NCKAP5: variants seen among roughly 807,000 people sequenced by gnomAD.
The protein encoded by NCKAP5 is nck-associated protein 5.
Under a neutral mutation model 167.0 loss-of-function variants are expected in NCKAP5, and 92 were observed. The observed-to-expected ratio is 0.55, with a 90% CI of 0.47 to 0.66. The LOEUF (loss-of-function observed/expected upper bound fraction) is 0.66, where lower values mean the gene tolerates loss of function less well. NCKAP5 is among the 30% of genes least tolerant of loss of function. The probability of loss-of-function intolerance (pLI) is 0.00; values close to 1 mark genes in which losing one functional copy is unlikely to be tolerated. For synonymous variants in NCKAP5, 891 were observed against 877.4 expected, an observed-to-expected ratio of 1.02 and a Z score of -0.27; for missense variants, 2,378 against 2,315.0, an observed-to-expected ratio of 1.03 and a Z score of -0.56.
intron 11 of NCKAP5, among the ~76,000 whole-genome samples, chr2:132,811,912 G>A (rs191816997): frequency 1.3e-5 from 2 of 152,298 alleles, no homozygotes; most frequent in African/African-American, 4.8e-5. Flanking sequence ...GCAGGAAGGG[G>A]CTGCTAGGGG....
At chr2:133,338,119 C>A (rs1294969803) in intron 3 of NCKAP5, among the ~76,000 whole-genome samples, 1 of 150,646 alleles carries the variant, frequency 6.6e-6, no homozygotes, top group Non-Finnish European at 1.5e-5. Flanking sequence ...GGGTCTATTG[C>A]ATTTTTTTTT....
chr2:133,650,420 A>G, the NCKAP5 span, among the ~76,000 whole-genome samples: 1 of 152,254 alleles, frequency 6.6e-6, no homozygotes, highest in Non-Finnish European at 1.5e-5. Context: ...AATATTGAGA[A>G]AGAACTAAGC....
intron 8 of NCKAP5, chr2:132,930,820 G>T (rs1010001546): frequency 6.6e-6 from 1 of 152,178 alleles, no homozygotes; most frequent in Non-Finnish European, 1.5e-5. Flanking sequence ...TGATGCTGCG[G>T]ATACAAACAT....
rs538874219 is a variant in NCKAP5, at chr2:133,304,140, T to C, written c.70-1030A>G. On this transcript the variant is annotated intron_variant, in intron 3 of 19. Coordinates refer to ENST00000409261, the MANE Select transcript of NCKAP5 (RefSeq NM_207363.3). ...CAGTGACATTTTTCTTTCAGAAATA[T>C]AGGTTTCTTTTGAAATGCTATACAT... Among the ~76,000 whole-genome samples the C allele has an allele frequency of 5.3e-5, 8 of 152,282 alleles. No homozygotes were observed. In the East Asian group the frequency reaches 5.8e-4, roughly 11 times the overall value.
rs373055321 is a variant in NCKAP5, at chr2:132,785,245, C to T, written c.1566G>A (p.Leu522=). 321 of 1,570,192 alleles carry T rather than the reference C, an allele frequency of 2.0e-4. No homozygotes were observed. The highest frequency in any genetic ancestry group is 2.6e-4 in the Non-Finnish European group (298 of 1,159,128). The change falls in exon 14 of 20, where the codon CTG becomes CTA. Residue 522 remains leucine (L), a synonymous_variant. Transcript: ENST00000409261. ...TGGGATAAACTGAGGATGTGCCTTC[C>T]AGAAAGTGTTTTCTGTTTGTCTCCC... The part of the protein sequence containing the change: ...FGWETNRKHF[L]EGTSSVYPKE...
intron 3 of NCKAP5, among the ~76,000 whole-genome samples, chr2:133,502,704 C>A (rs1333615674): frequency 6.6e-6 from 1 of 152,198 alleles, no homozygotes; most frequent in Non-Finnish European, 1.5e-5. Flanking sequence ...GGGCACACAC[C>A]ACAGCTATGA....
At position 132,783,092 on chromosome 2, in the gene NCKAP5, C is replaced by T. The variant is rs1166884977; in HGVS notation, c.3719G>A (p.Ser1240Asn). Residue 1240 changes from serine to asparagine, a missense_variant, in exon 14 of 20, where the codon AGT (serine) becomes AAT (asparagine). This residue lies in a region of NCKAP5 where 1,325 missense variants were observed against 1,274.5 expected (regional missense o/e 1.04). Coordinates refer to ENST00000409261, the MANE Select transcript of NCKAP5 (RefSeq NM_207363.3). ...ATTATCTACCCCATCCCTTCCATCA[C>T]TCCCAGGGATGCTACTTTCCAATGG... is the stretch of plus-strand genomic sequence containing the variant. ...QEPLESSIPGSDGRDGVDNRS... is the reference protein window; with the variant it reads ...QEPLESSIPGNDGRDGVDNRS... 5.0e-6 allele frequency: 8 copies of T among 1,613,720 alleles called. No individual in the cohort carries two copies. The East Asian group carries it at 1.3e-4, about 27-fold the overall frequency.
At chr2:133,355,937 T>G (rs1684683801) in intron 3 of NCKAP5, among the ~76,000 whole-genome samples, 1 of 88,952 alleles carries the variant, frequency 1.1e-5, no homozygotes, top group Admixed American at 1.1e-4. Flanking sequence ...TTGTTTTCTG[T>G]TTTTTTTTGA....
chr2:132,856,677 AG>A (rs1287483496), intron 11 of NCKAP5, among the ~76,000 whole-genome samples: 16 of 152,348 alleles, frequency 1.1e-4, no homozygotes, highest in Admixed American at 2.0e-4. Context: ...CAGAACACAT[AG>A]GAAGGGGAAA....
chr2:133,459,441 C>T (rs1692067602), intron 3 of NCKAP5, among the ~76,000 whole-genome samples: 1 of 152,092 alleles, frequency 6.6e-6, no homozygotes, highest in Non-Finnish European at 1.5e-5. Context: ...CCTCTGGGGC[C>T]TATCAGAGGA....
intron 3 of NCKAP5, among the ~76,000 whole-genome samples, chr2:133,504,096 T>C (rs1319395683): frequency 1.3e-5 from 2 of 152,160 alleles, no homozygotes; most frequent in South Asian, 2.1e-4. Context: ...GTTGGAGGTT[T>C]AGCTCCATGG....
intron 11 of NCKAP5, among the ~76,000 whole-genome samples, chr2:132,804,297 G>A (rs1180812733): frequency 6.6e-6 from 1 of 152,150 alleles, no homozygotes; most frequent in Non-Finnish European, 1.5e-5. Flanking sequence ...AAGTGATTCA[G>A]CACAGCCTGA....
chr2:133,462,478 T>A (rs1574996386), intron 3 of NCKAP5, among the ~76,000 whole-genome samples: 1 of 152,234 alleles, frequency 6.6e-6, no homozygotes, highest in African/African-American at 2.4e-5. Context: ...GCATTTTAGT[T>A]TTCTTATTGG....
intron 3 of NCKAP5, among the ~76,000 whole-genome samples, chr2:133,357,271 G>A (rs190931246): frequency 1.5e-5 from 2 of 135,426 alleles, no homozygotes; most frequent in East Asian, 4.5e-4. Flanking sequence ...CTATTAGTTG[G>A]GTCACACACA....
chr2:132,746,049 G>T (rs551698560), intron 16 of NCKAP5, among the ~76,000 whole-genome samples: 6 of 150,886 alleles, frequency 4.0e-5, no homozygotes, highest in East Asian at 1.9e-4. Context: ...ACACTATCAG[G>T]TTTTTTTTTA....
chr2:132,715,478 A>AT (rs2105350488), intron 19 of NCKAP5, among the ~76,000 whole-genome samples: 1 of 151,902 alleles, frequency 6.6e-6, no homozygotes, highest in African/African-American at 2.4e-5. Flanking sequence ...TTTTTTCTCC[A>AT]TTTTTTTCAT....
At chr2:132,840,407 C>A (rs565643880) in intron 11 of NCKAP5, among the ~76,000 whole-genome samples, 1 of 152,026 alleles carries the variant, frequency 6.6e-6, no homozygotes, top group Admixed American at 6.6e-5. Flanking sequence ...TCCCAAGTAG[C>A]TGAGATTACA....
At chr2:133,285,036 C>A (rs570035189) in intron 4 of NCKAP5, among the ~76,000 whole-genome samples, 1 of 152,308 alleles carries the variant, frequency 6.6e-6, no homozygotes, top group African/African-American at 2.4e-5. Flanking sequence ...CCAGGAGTGT[C>A]AGAAACCCTC....
intron 3 of NCKAP5, among the ~76,000 whole-genome samples, chr2:133,462,525 A>T (rs901220735): frequency 6.6e-6 from 1 of 152,206 alleles, no homozygotes; most frequent in African/African-American, 2.4e-5. Flanking sequence ...AGCATCAGAA[A>T]TGGAAGTTCC....
Sources: gnomAD v4.1 joint callset for allele counts (sites outside exome capture counted in the v4.1 genomes callset) on GRCh38, gnomAD v4.1.1 for gene constraint, gnomAD v4.1.1 regional missense constraint, MANE v1.5 for transcripts, NCBI Gene and HGNC (gene_info 2026-07-23, HGNC 2026-07-21) for gene names.